CCNH: variants seen among roughly 807,000 people sequenced by gnomAD.
The protein encoded by CCNH is cyclin-H.
CCNH carries 31 observed loss-of-function variants against 41.9 expected under a neutral mutation model. The observed-to-expected ratio is 0.74, with a 90% CI of 0.56 to 1.00. The LOEUF (loss-of-function observed/expected upper bound fraction) is 1.00. Ranked by LOEUF, CCNH falls within the 50% of genes least tolerant of loss-of-function variation. CCNH has a pLI of 0.00. For synonymous variants in CCNH, 138 were observed against 136.1 expected (o/e 1.01, Z -0.10); for missense variants, 362 against 388.4 (o/e 0.93, Z 0.57).
intron 9 of CCNH, among the ~76,000 whole-genome samples, chr5:87,344,853 A>G (rs1758738661): frequency 6.6e-6 from 1 of 151,694 alleles, no homozygotes; most frequent in South Asian, 2.1e-4. Context: ...GCTGCTTCCT[A>G]GGCCAGAATT....
chr5:87,374,793 T>C (rs1442222138), downstream of CCNH: 2 of 1,603,292 alleles, frequency 1.2e-6, no homozygotes, highest in South Asian at 2.2e-5. Flanking sequence ...ATAAGGTAGT[T>C]TGATGCCAAA....
intron 9 of CCNH, among the ~76,000 whole-genome samples, chr5:87,335,204 C>G (rs1757875803): frequency 6.6e-6 from 1 of 151,890 alleles, no homozygotes; most frequent in Non-Finnish European, 1.5e-5. Context: ...TTGTGCACAC[C>G]ATTTTCACTT....
chr5:87,407,938 G>A (rs778602139), intron 4 of CCNH, 38 bp downstream of exon 4: 12 of 1,412,438 alleles, frequency 8.5e-6, no homozygotes, highest in Non-Finnish European at 3.0e-6. Flanking sequence ...GAATAGGAAA[G>A]GAGAATGTAG....
At chr5:87,395,960 TATATC>T (rs1439226037) in intron 7 of CCNH, among the ~76,000 whole-genome samples, 10 of 151,832 alleles carry the variant, frequency 6.6e-5, no homozygotes, top group Non-Finnish European at 8.8e-5. Flanking sequence ...ATATAAATAA[TATATC>T]ATATATAAAT....
chr5:87,338,050 G>A, intron 9 of CCNH: 1 of 1,612,284 alleles, frequency 6.2e-7, no homozygotes, highest in South Asian at 1.1e-5. Context: ...TTTAAGAACA[G>A]ATGAACAAGG....
downstream of CCNH, chr5:87,393,714 T>TACTC (rs1416712703): frequency 1.3e-5 from 2 of 152,148 alleles, no homozygotes; most frequent in Non-Finnish European, 2.9e-5. Flanking sequence ...TAGTCCCAAT[T>TACTC]ACTCAGAAAA....
intron 9 of CCNH, among the ~76,000 whole-genome samples, chr5:87,342,504 A>G (rs1758545662): frequency 6.6e-6 from 1 of 152,150 alleles, no homozygotes; most frequent in African/African-American, 2.4e-5. Context: ...CAGACAGACA[A>G]TGTAAGCAAG....
intron 9 of CCNH, among the ~76,000 whole-genome samples, chr5:87,351,559 G>C (rs1009097773): frequency 6.6e-6 from 1 of 151,684 alleles, no homozygotes; most frequent in Non-Finnish European, 1.5e-5. Flanking sequence ...AGTGTCTCTA[G>C]AAACTCACGT....
At chr5:87,403,213 A>T (rs1763543004) in intron 5 of CCNH, among the ~76,000 whole-genome samples, 2 of 147,094 alleles carry the variant, frequency 1.4e-5, no homozygotes, top group Non-Finnish European at 3.0e-5. Flanking sequence ...ACGTTTGGAA[A>T]GCATTTCCCT....
intron 9 of CCNH, among the ~76,000 whole-genome samples, chr5:87,342,642 G>A (rs963116846): frequency 2.6e-5 from 4 of 152,096 alleles, no homozygotes; most frequent in African/African-American, 9.7e-5. Context: ...AAACAACACT[G>A]TACGTGTGGT....
downstream of CCNH, among the ~76,000 whole-genome samples, chr5:87,371,869 G>A (rs1298167255): frequency 1.3e-5 from 2 of 152,040 alleles, no homozygotes; most frequent in Non-Finnish European, 2.9e-5. Context: ...CACTCGATGT[G>A]TTTCATACAT....
downstream of CCNH, chr5:87,391,916 A>T (rs1762555492): frequency 4.4e-6 from 1 of 227,680 alleles, no homozygotes; most frequent in Admixed American, 5.6e-5. Flanking sequence ...GATATCTTGC[A>T]TAATTGATTA....
At chr5:87,394,219 A>AATTT (rs1400245374), downstream of CCNH, 1 of 1,174,012 alleles carries the variant, frequency 8.5e-7, no homozygotes, top group African/African-American at 1.6e-5. Context: ...TTGCAGCTTT[A>AATTT]ATTTGATATT....
Position 87,395,044 on chromosome 5 carries a change from C to A in CCNH, c.933G>T (p.Glu311Asp). The change falls in exon 8 of 9, where the codon GAG becomes GAT. Residue 311 changes from glutamate to aspartate, a missense_variant and splice_region_variant. Transcript: ENST00000256897. ...AGTTCATCTTTGGAGTAAAACATACCTCCTCATGTTTGGATTTCTTTGAGA... is the reference window on the plus strand; with the variant it reads ...AGTTCATCTTTGGAGTAAAACATACATCCTCATGTTTGGATTTCTTTGAGA... ...DYVSKKSKHE[E>D]EEWTDDDLVE... The A allele has an allele frequency of 6.2e-7, 1 of 1,608,246 alleles. No individual in the cohort carries two copies. The highest frequency in any genetic ancestry group is 8.5e-7 in the Non-Finnish European group (1 of 1,175,086).
At chr5:87,348,688 T>C (rs1237795300) in intron 9 of CCNH, among the ~76,000 whole-genome samples, 2 of 151,738 alleles carry the variant, frequency 1.3e-5, no homozygotes, top group African/African-American at 4.8e-5. Flanking sequence ...TCCAGGCTGG[T>C]ATCAAACTCC....
intron 9 of CCNH, among the ~76,000 whole-genome samples, chr5:87,368,799 T>G (rs1054387206): frequency 1.3e-5 from 2 of 152,190 alleles, no homozygotes; most frequent in Non-Finnish European, 2.9e-5. Context: ...GGAAAAGATG[T>G]GGAGAATGTC....
chr5:87,379,882 T>C (rs756517404), upstream of CCNH: 10 of 1,598,908 alleles, frequency 6.3e-6, no homozygotes, highest in Admixed American at 1.0e-4. Context: ...TGACAAGAAA[T>C]TGTGTATCTA....
At chr5:87,398,559 T>C (rs1350347549) in intron 7 of CCNH, among the ~76,000 whole-genome samples, 5 of 152,190 alleles carry the variant, frequency 3.3e-5, no homozygotes, top group Non-Finnish European at 5.9e-5. Flanking sequence ...AGTGGATCTT[T>C]CAATTTGCAA....
downstream of CCNH, chr5:87,393,898 T>G (rs1260647901): frequency 6.6e-6 from 1 of 152,224 alleles, no homozygotes; most frequent in African/African-American, 2.4e-5. Context: ...AAATCATATA[T>G]CTGGTTTTTT....
Sources: gnomAD v4.1 joint callset for allele counts (sites outside exome capture counted in the v4.1 genomes callset) on GRCh38, gnomAD v4.1.1 for gene constraint, MANE v1.5 for transcripts, NCBI Gene and HGNC (gene_info 2026-07-23, HGNC 2026-07-21) for gene names.